The following TMEM270 variants were observed in gnomAD, a reference collection of about 807,000 sequenced individuals.
TMEM270 encodes the protein transmembrane protein 270.
TMEM270 carries 30 observed loss-of-function variants against 29.9 expected under a neutral mutation model. The ratio of observed to expected loss-of-function variants is 1.00; its 90% CI spans 0.75 to 1.36. The LOEUF is 1.36. Ranked by LOEUF, TMEM270 falls within the 40% of genes most tolerant of loss-of-function variation. TMEM270 has a pLI of 0.00. For missense variants in TMEM270, 313 were observed against 307.1 expected (o/e 1.02, Z -0.14); for synonymous variants, 135 against 139.8 (o/e 0.97, Z 0.24).
At chr7:73,865,503 G>C (rs531081949) in intron 2 of TMEM270, 74 bp from the exon 3 acceptor site, 33 of 1,579,642 alleles carry the variant, frequency 2.1e-5, no homozygotes, top group Admixed American at 5.2e-5. Context: ...GGGCTTGCAG[G>C]GGGGAGCCAC....
intron 2 of TMEM270, 60 bp from the exon 3 acceptor site, chr7:73,865,517 C>G: frequency 1.3e-6 from 2 of 1,584,290 alleles, no homozygotes; most frequent in South Asian, 2.4e-5. Flanking sequence ...GAGCCACAGC[C>G]AAGCAGTGTA....
At position 73,865,019 on chromosome 7, in the gene TMEM270, T is replaced by C; in HGVS notation, c.99T>C (p.Tyr33=). ...VLLVQNRDHL[Y]NFLLLKINLF... ...TGGTTCAGAACCGAGATCACCTCTA[T>C]AATTTCCTGCTCCTCAAGATCAACC... Residue 33 remains tyrosine, a synonymous_variant, in exon 2 of 3, where the codon TAT becomes TAC. Transcript: ENST00000320531. 1.3e-6 allele frequency: 2 copies of C among 1,513,222 alleles called. No homozygotes were observed. The highest frequency in any genetic ancestry group is 2.7e-5 in the South Asian group (2 of 74,736). The allele number at this position is 1,513,222 out of a possible 1,614,324, so 93.7% of individuals were successfully genotyped here. A position where few individuals can be genotyped will look rare whatever the true frequency, so the allele number is the denominator to read the frequency against.
At position 73,865,754 on chromosome 7, in the gene TMEM270, G is replaced by A. The variant is rs782789977; in HGVS notation, c.679G>A (p.Glu227Lys). 22 of 1,613,976 alleles carry A rather than the reference G, an allele frequency of 1.4e-5. No individual in the cohort carries two copies. Among genetic ancestry groups the A allele is most frequent in the South Asian group, 7.7e-5 (7 of 91,078 alleles). ...CTTTGAGCACACGACCCAGCTGGCC[G>A]AGGCCCAGGAGGTTGAACCCCAGGA... ...AAFEHTTQLA[E>K]AQEVEPQEVS... The change falls in exon 3 of 3, where the codon GAG (glutamate) becomes AAG (lysine). Residue 227 changes from glutamate to lysine, a missense_variant. Transcript: ENST00000320531.
At chr7:73,861,085 C>A, upstream of TMEM270, 1 of 1,021,836 alleles carries the variant, frequency 9.8e-7, no homozygotes. Context: ...CAGGTAAAGG[C>A]AGTGGGTCAC....
upstream of TMEM270, chr7:73,861,071 G>A: frequency 2.2e-6 from 2 of 891,452 alleles, no homozygotes; most frequent in South Asian, 2.8e-5. Context: ...GGAGCGGCAG[G>A]AGCCAGGTAA....
chr7:73,862,867 T>G (rs1554639468), intron 1 of TMEM270, among the ~76,000 whole-genome samples: 1 of 81,068 alleles, frequency 1.2e-5, no homozygotes, highest in Non-Finnish European at 2.2e-5. Flanking sequence ...CAAAACCCTG[T>G]CTCAGAAAAA....
chr7:73,861,833 C>G (rs1554639329), intron 1 of TMEM270, among the ~76,000 whole-genome samples: 1 of 152,062 alleles, frequency 6.6e-6, no homozygotes, highest in Non-Finnish European at 1.5e-5. Context: ...GAGTCTCGCT[C>G]TGTTGCCCAG....
chr7:73,863,259 T>C (rs1341865827), intron 1 of TMEM270, among the ~76,000 whole-genome samples: 1 of 152,084 alleles, frequency 6.6e-6, no homozygotes, highest in Non-Finnish European at 1.5e-5. Context: ...GGCTGGGGGC[T>C]TTCCAGCTCT....
intron 1 of TMEM270, 85 bp from the exon 2 acceptor site, chr7:73,864,903 CAAAAA>C (rs10675041): frequency 8.3e-6 from 8 of 961,472 alleles, no homozygotes; most frequent in Non-Finnish European, 1.1e-5. Flanking sequence ...AACTCCGTCT[CAAAAA>C]AAAAAAAAAG....
chr7:73,861,839 C>T (rs1289977406), intron 1 of TMEM270, among the ~76,000 whole-genome samples: 1 of 152,118 alleles, frequency 6.6e-6, no homozygotes, highest in African/African-American at 2.4e-5. Flanking sequence ...CGCTCTGTTG[C>T]CCAGGCTGGA....
chr7:73,864,192 G>C (rs899089565), intron 1 of TMEM270, among the ~76,000 whole-genome samples: 13 of 151,292 alleles, frequency 8.6e-5, no homozygotes, highest in Non-Finnish European at 1.2e-4. Flanking sequence ...GAGGCTAATG[G>C]GGGGAGGATT....
chr7:73,862,190 T>C (rs1788803028), intron 1 of TMEM270, among the ~76,000 whole-genome samples: 1 of 151,442 alleles, frequency 6.6e-6, no homozygotes. Context: ...TCACTGCAAC[T>C]TCCACCTCCA....
At position 73,865,608 on chromosome 7, in the gene TMEM270, T is replaced by G; in HGVS notation, c.533T>G (p.Leu178Arg). 1 of 1,614,046 alleles carries G rather than the reference T, an allele frequency of 6.2e-7. No homozygotes were observed. Among genetic ancestry groups the G allele is most frequent in the Non-Finnish European group, 8.5e-7 (1 of 1,179,950 alleles). The change falls in exon 3 of 3, where the codon CTC becomes CGC. Residue 178 changes from leucine (L) to arginine (R), a missense_variant. Coordinates refer to ENST00000320531, the MANE Select transcript of TMEM270 (RefSeq NM_182504.4). ...CAAGTGAACTGCGTGGTAAGGAAGC[T>G]CCTGGTACAGCTGAGACGTCTGTAT... The part of the protein sequence containing the change: ...ALQVNCVVRK[L>R]LVQLRRLYWW...
chr7:73,861,149 A>AG, upstream of TMEM270: 1 of 1,599,482 alleles, frequency 6.3e-7, no homozygotes, highest in Non-Finnish European at 8.6e-7. Flanking sequence ...GGCATCTGTG[A>AG]GGTCACCCTG....
chr7:73,863,936 A>G (rs1188228848), intron 1 of TMEM270, among the ~76,000 whole-genome samples: 1 of 152,030 alleles, frequency 6.6e-6, no homozygotes, highest in Non-Finnish European at 1.5e-5. Context: ...ACATGGTAAT[A>G]ATAGCCATGA....
At chr7:73,865,458 C>A (rs1788885608) in intron 2 of TMEM270, 37 bp downstream of exon 2, 1 of 1,588,316 alleles carries the variant, frequency 6.3e-7, no homozygotes. Context: ...GTGTGGAGGG[C>A]AAACCTGGGG....
intron 1 of TMEM270, chr7:73,861,484 C>T (rs1231872514): frequency 1.5e-6 from 1 of 649,942 alleles, no homozygotes; most frequent in East Asian, 2.9e-5. Context: ...GGGTCTCGCT[C>T]TGTCGCCCAG....
At chr7:73,861,310 G>A in intron 1 of TMEM270, 44 bp downstream of exon 1, 1 of 1,578,074 alleles carries the variant, frequency 6.3e-7, no homozygotes, top group Non-Finnish European at 8.6e-7. Flanking sequence ...CCACACACCA[G>A]GCCCTTCACA....
chr7:73,861,278 C>A lies in TMEM270; in HGVS notation c.72+12C>A. ...GGCTCTCAGTGCTGGTGAGTGGGGG[C>A]TGGGGGTAAGTGGGGTGGGGACCAC... On this transcript the variant is annotated intron_variant, in intron 1 of 2. Transcript: ENST00000320531. 9.3e-7 allele frequency: 1 copy of A among 1,073,890 alleles called. No individual in the cohort carries two copies. Among genetic ancestry groups the A allele is most frequent in the Non-Finnish European group, 1.4e-6 (1 of 736,170 alleles). The allele number at this position is 1,073,890 out of a possible 1,614,324, so 66.5% of individuals were successfully genotyped here. A position where few individuals can be genotyped will look rare whatever the true frequency, so the allele number is the denominator to read the frequency against.
Sources: gnomAD v4.1 joint callset for allele counts (sites outside exome capture counted in the v4.1 genomes callset) on GRCh38, gnomAD v4.1.1 for gene constraint, MANE v1.5 for transcripts, NCBI Gene and HGNC (gene_info 2026-07-23, HGNC 2026-07-21) for gene names.